Variants in STK39 observed in about 807,000 individuals in gnomAD.
The protein encoded by STK39 is STE20/SPS1-related proline-alanine-rich protein kinase.
A neutral mutation model predicts 77.8 loss-of-function variants in STK39; 20 were observed. The ratio of observed to expected loss-of-function variants is 0.26; its 90% confidence interval spans 0.18 to 0.37. The LOEUF is 0.37. STK39 is among the 10% of genes least tolerant of loss of function. The pLI is 1.00. For missense variants in STK39, 479 were observed against 656.5 expected (o/e 0.73, Z 2.95); for synonymous variants, 246 against 234.1 (o/e 1.05, Z -0.47).
rs1349276257 is a variant in STK39 at position 168,179,175 on chromosome 2, C to G, written c.321+2803G>C. 2.0e-5 allele frequency among the ~76,000 whole-genome samples: 3 copies of G among 152,162 alleles called. No homozygotes were observed. In the East Asian group the frequency reaches 5.8e-4, roughly 29 times the overall value. On this transcript the variant is annotated intron_variant, in intron 2 of 17. Coordinates refer to ENST00000355999, the MANE Select transcript of STK39 (RefSeq NM_013233.3). ...ACAGTCTGTGAGACGATGCAGTGCACTGACCTGTATATAATACACACTCAT... is the reference window on the plus strand; with the variant it reads ...ACAGTCTGTGAGACGATGCAGTGCAGTGACCTGTATATAATACACACTCAT...
At chr2:168,148,151 G>A (rs1252056112) in intron 5 of STK39, among the ~76,000 whole-genome samples, 1 of 152,176 alleles carries the variant, frequency 6.6e-6, no homozygotes, top group Non-Finnish European at 1.5e-5. Flanking sequence ...CTTTAGCAAA[G>A]TGCTTTCGCT....
intron 1 of STK39, among the ~76,000 whole-genome samples, chr2:168,221,944 C>G (rs921950034): frequency 5.9e-5 from 9 of 152,148 alleles, no homozygotes; most frequent in African/African-American, 1.2e-4. Flanking sequence ...CTCTTCCCAC[C>G]CTGTTTCACG....
chr2:168,044,869 T>G (rs558692463), intron 14 of STK39, among the ~76,000 whole-genome samples: 49 of 152,240 alleles, frequency 3.2e-4, no homozygotes, highest in African/African-American at 1.1e-3. Context: ...CAGGTAATAA[T>G]TCCAACAGAC....
At chr2:168,110,232 TTTTG>T (rs934108118) in intron 10 of STK39, among the ~76,000 whole-genome samples, 9 of 152,108 alleles carry the variant, frequency 5.9e-5, no homozygotes, top group Non-Finnish European at 1.0e-4. Context: ...ATTTATTTAT[TTTTG>T]TTTATTTATT....
intron 14 of STK39, among the ~76,000 whole-genome samples, chr2:168,024,230 C>A (rs951759308): frequency 6.6e-6 from 1 of 152,138 alleles, no homozygotes; most frequent in Non-Finnish European, 1.5e-5. Flanking sequence ...GAGGAGGCCG[C>A]CTGGGGCAGG....
chr2:167,966,702 A>C (rs1327035056), intron 16 of STK39, among the ~76,000 whole-genome samples: 3 of 152,170 alleles, frequency 2.0e-5, no homozygotes, highest in Admixed American at 6.5e-5. Context: ...CATCTTAAAC[A>C]ATCATCCCAG....
At chr2:168,030,113 C>T (rs980276270) in intron 14 of STK39, among the ~76,000 whole-genome samples, 4 of 152,066 alleles carry the variant, frequency 2.6e-5, no homozygotes, top group African/African-American at 7.2e-5. Flanking sequence ...TGGTGGCGGG[C>T]GCCGGTAGTC....
intron 16 of STK39, among the ~76,000 whole-genome samples, chr2:167,973,738 G>A (rs1328706023): frequency 6.6e-6 from 1 of 152,158 alleles, no homozygotes; most frequent in African/African-American, 2.4e-5. Context: ...AATTTAGAGG[G>A]TGAAAGGATT....
Position 168,103,532 on chromosome 2 carries a change from G to A in STK39, c.1089+26009C>T, listed in dbSNP as rs186520587. 1.9e-3 allele frequency among the ~76,000 whole-genome samples: 292 copies of A among 152,282 alleles called. 1 individual carries two copies. Among genetic ancestry groups the A allele is most frequent in the Non-Finnish European group, 2.9e-3 (196 of 68,030 alleles). On this transcript the variant is annotated intron_variant, in intron 10 of 17. Transcript: ENST00000355999. The stretch of plus-strand genomic sequence containing the variant: ...CTTTTATATTCTAAATTACACAAGC[G>A]TTCCAAAATAATTTGGGGAAAGAGA...
At chr2:168,064,687 C>T (rs181233557) in intron 13 of STK39, among the ~76,000 whole-genome samples, 7 of 152,276 alleles carry the variant, frequency 4.6e-5, no homozygotes, top group East Asian at 1.9e-4. Flanking sequence ...ACAGTGGTGA[C>T]GCTTTATAGT....
At chr2:168,175,786 A>G (rs1688942261) in intron 2 of STK39, among the ~76,000 whole-genome samples, 1 of 152,216 alleles carries the variant, frequency 6.6e-6, no homozygotes. Flanking sequence ...AATAGTTACA[A>G]AGCTAAGTTG....
Position 168,140,345 on chromosome 2 carries a change from T to C in STK39, c.784A>G (p.Thr262Ala). Residue 262 changes from threonine (T) to alanine (A), a missense_variant, in exon 7 of 18, where the codon ACT becomes GCT. Thr to Ala is a moderately conservative substitution (Grantham distance 58). This residue lies in a region of STK39 where 139 missense variants were observed against 280.6 expected (regional missense o/e 0.50). Coordinates refer to ENST00000355999, the MANE Select transcript of STK39 (RefSeq NM_013233.3). ...GCTCCTGTTGCTAATTCAATGGCAGTTATTCCAAAACTCCACATGTCAGCC... is the reference window on the plus strand; with the variant it reads ...GCTCCTGTTGCTAATTCAATGGCAGCTATTCCAAAACTCCACATGTCAGCC... ...FKADMWSFGI[T>A]AIELATGAAP... 1 of 1,614,104 alleles carries C rather than the reference T, an allele frequency of 6.2e-7. No homozygotes were observed. The highest frequency in any genetic ancestry group is 1.1e-5 in the South Asian group (1 of 91,076).
intron 2 of STK39, among the ~76,000 whole-genome samples, chr2:168,168,673 C>A (rs895283856): frequency 1.3e-5 from 2 of 152,186 alleles, no homozygotes; most frequent in African/African-American, 4.8e-5. Context: ...AACACTCATA[C>A]GTTCCTTAAC....
intron 2 of STK39, among the ~76,000 whole-genome samples, chr2:168,168,125 T>C (rs1381795155): frequency 6.6e-6 from 1 of 152,146 alleles, no homozygotes; most frequent in Non-Finnish European, 1.5e-5. Context: ...TAATCCATAT[T>C]AACAGAGCAG....
At chr2:168,166,501 C>T (rs1688696345) in intron 3 of STK39, among the ~76,000 whole-genome samples, 1 of 152,206 alleles carries the variant, frequency 6.6e-6, no homozygotes, top group African/African-American at 2.4e-5. Context: ...CTGATCAACA[C>T]TGCAAGTGAA....
At chr2:167,989,253 T>A (rs1304491055) in intron 16 of STK39, among the ~76,000 whole-genome samples, 1 of 152,164 alleles carries the variant, frequency 6.6e-6, no homozygotes, top group Non-Finnish European at 1.5e-5. Flanking sequence ...ATTTTGTGAA[T>A]GAAGGGGTGA....
intron 1 of STK39, among the ~76,000 whole-genome samples, chr2:168,243,505 G>A (rs1690823956): frequency 6.6e-6 from 1 of 152,060 alleles, no homozygotes; most frequent in Non-Finnish European, 1.5e-5. Context: ...GACCACCCGG[G>A]ACAAAAGTGA....
chr2:168,228,310 A>G (rs550867917), intron 1 of STK39, among the ~76,000 whole-genome samples: 1 of 152,292 alleles, frequency 6.6e-6, no homozygotes, highest in African/African-American at 2.4e-5. Flanking sequence ...AAAGGTAGAC[A>G]TTTCTAAAAA....
intron 1 of STK39, among the ~76,000 whole-genome samples, chr2:168,208,615 T>A (rs951012577): frequency 7.9e-5 from 12 of 152,348 alleles, no homozygotes; most frequent in South Asian, 2.1e-4. Flanking sequence ...AAGATTCCAA[T>A]TCTCATTTAG....
Sources: gnomAD v4.1 joint callset for allele counts (sites outside exome capture counted in the v4.1 genomes callset) on GRCh38, gnomAD v4.1.1 for gene constraint, gnomAD v4.1.1 regional missense constraint, MANE v1.5 for transcripts, NCBI Gene and HGNC (gene_info 2026-07-23, HGNC 2026-07-21) for gene names.